ADAMTS17: variants seen among roughly 807,000 people sequenced by gnomAD.
The protein encoded by ADAMTS17 is ADAM metallopeptidase with thrombospondin type 1 motif 17, also known as A disintegrin and metalloproteinase with thrombospondin motifs 17.
Under a neutral mutation model 141.5 loss-of-function variants are expected in ADAMTS17, and 113 were observed. That is an observed-to-expected ratio of 0.80 (90% CI 0.69 to 0.93). The LOEUF is 0.93. Among genes scored for constraint, ADAMTS17 ranks in the 40% least tolerant of loss-of-function variants. The pLI, the probability that ADAMTS17 is intolerant of heterozygous loss-of-function variation, is 0.00. For missense variants in ADAMTS17, 1,659 were observed against 1,517.9 expected (o/e 1.09, Z -1.54); for synonymous variants, 768 against 630.6 (o/e 1.22, Z -3.27).
At position 99,972,867 on chromosome 15, in the gene ADAMTS17, T is replaced by TGTAAC. The variant is rs1414522959; in HGVS notation, c.*1530_*1534dup. The TGTAAC allele has an allele frequency of 2.0e-5, 3 of 152,086 alleles. No individual in the cohort carries two copies. Among genetic ancestry groups the TGTAAC allele is most frequent in the African/African-American group, 7.2e-5 (3 of 41,398 alleles). 9.4% of individuals were successfully genotyped at this position (152,086 alleles called of 1,614,324 possible). The stretch of plus-strand genomic sequence containing the variant: ...TTAAGCTAACTCTACGGTTGTGACA[T>TGTAAC]GTAACAAAACAAAACACAGAAACAC... On this transcript the variant is annotated 3_prime_UTR_variant, in exon 22 of 22. Transcript: ENST00000268070.
chr15:100,230,456 A>G (rs763194514), intron 7 of ADAMTS17, among the ~76,000 whole-genome samples: 1 of 152,210 alleles, frequency 6.6e-6, no homozygotes, highest in Non-Finnish European at 1.5e-5. Flanking sequence ...ACCTCACAGC[A>G]GGGAGGGATC....
At chr15:100,330,408 A>G (rs2046014717) in intron 3 of ADAMTS17, among the ~76,000 whole-genome samples, 2 of 152,192 alleles carry the variant, frequency 1.3e-5, no homozygotes, top group Admixed American at 6.5e-5. Flanking sequence ...GAAAATGTGC[A>G]TGTCTAACAA....
intron 7 of ADAMTS17, among the ~76,000 whole-genome samples, chr15:100,222,613 C>T (rs1409848236): frequency 6.6e-6 from 1 of 152,148 alleles, no homozygotes; most frequent in East Asian, 1.9e-4. Context: ...AAACATCTAC[C>T]ATCCAACATC....
chr15:100,223,493 G>T (rs2042198576), intron 7 of ADAMTS17, among the ~76,000 whole-genome samples: 1 of 152,042 alleles, frequency 6.6e-6, no homozygotes, highest in South Asian at 2.1e-4. Flanking sequence ...CATCTCACGG[G>T]GGCAGAAGCT....
intron 8 of ADAMTS17, among the ~76,000 whole-genome samples, chr15:100,192,951 C>T (rs999084040): frequency 6.6e-6 from 1 of 152,182 alleles, no homozygotes; most frequent in African/African-American, 2.4e-5. Flanking sequence ...CCTTCACGTT[C>T]TGAGCTGCAG....
At chr15:100,001,994 C>CAAAAAAAAAAAAA (rs71151931) in intron 18 of ADAMTS17, among the ~76,000 whole-genome samples, 1 of 58,378 alleles carries the variant, frequency 1.7e-5, no homozygotes, top group Non-Finnish European at 3.1e-5. Context: ...AGGCCAAACC[C>CAAAAAAAAAAAAA]AAAAAAAAAA....
chr15:100,144,726 T>C (rs2038818941), intron 10 of ADAMTS17, among the ~76,000 whole-genome samples: 2 of 151,890 alleles, frequency 1.3e-5, no homozygotes, highest in African/African-American at 4.8e-5. Flanking sequence ...TTGAAATCTA[T>C]CCAAGGACCC....
chr15:99,997,909 G>A lies in ADAMTS17; in HGVS notation c.2592-320C>T, dbSNP rs572738049. ...TGTCGTCATAGGACCTGCTTCTTTC[G>A]ACAGGGTGTGAGTGAAGAGGATGCT... On this transcript the variant is annotated intron_variant, in intron 18 of 21. Coordinates refer to ENST00000268070, the MANE Select transcript of ADAMTS17 (RefSeq NM_139057.4). The surrounding 1 kb of genome is among the most constrained non-coding windows in gnomAD (Gnocchi z 4.7). Among the ~76,000 whole-genome samples the A allele has an allele frequency of 2.0e-5, 3 of 152,254 alleles. No homozygotes were observed. Among genetic ancestry groups the A allele is most frequent in the Non-Finnish European group, 2.9e-5 (2 of 68,016 alleles).
At chr15:100,135,347 G>C (rs2038275081) in intron 10 of ADAMTS17, among the ~76,000 whole-genome samples, 1 of 150,724 alleles carries the variant, frequency 6.6e-6, no homozygotes, top group East Asian at 2.0e-4. Context: ...GCAGTAGCGT[G>C]ATCTCGGCTC....
chr15:100,134,225 G>A (rs2038208724), intron 10 of ADAMTS17, among the ~76,000 whole-genome samples: 1 of 152,176 alleles, frequency 6.6e-6, no homozygotes, highest in Admixed American at 6.5e-5. Context: ...GTCCTGGGGG[G>A]GATGGCCCCG....
intron 15 of ADAMTS17, among the ~76,000 whole-genome samples, chr15:100,089,122 T>C (rs977968277): frequency 4.6e-5 from 7 of 151,690 alleles, no homozygotes; most frequent in South Asian, 2.1e-4. Flanking sequence ...GAATCTACAA[T>C]GAACTCAAAC....
chr15:99,975,041 G>A (rs1203458155), intron 21 of ADAMTS17, among the ~76,000 whole-genome samples: 1 of 152,176 alleles, frequency 6.6e-6, no homozygotes, highest in Non-Finnish European at 1.5e-5. Context: ...TTCCCAAGCA[G>A]GCCGGTGCTT....
intron 6 of ADAMTS17, among the ~76,000 whole-genome samples, chr15:100,260,864 C>G (rs10459747): frequency 0.47 from 71,852 of 151,536 alleles, 17,403 homozygotes; most frequent in East Asian, 0.57. Flanking sequence ...TAATCTAATG[C>G]ATTAAGTTAT....
intron 15 of ADAMTS17, among the ~76,000 whole-genome samples, chr15:100,069,221 C>A (rs1228888844): frequency 1.3e-5 from 2 of 152,164 alleles, no homozygotes; most frequent in African/African-American, 4.8e-5. Flanking sequence ...TGAACAAAGC[C>A]TCCAAGAAAT....
rs1471835192 is a variant in ADAMTS17 at position 99,987,646 on chromosome 15, T to C, written c.2949+5402A>G. 6.6e-5 allele frequency among the ~76,000 whole-genome samples: 10 copies of C among 152,112 alleles called. No individual in the cohort carries two copies. The East Asian group carries it at 7.7e-4, about 12-fold the overall frequency. On this transcript the variant is annotated intron_variant, in intron 20 of 21. Transcript: ENST00000268070. ...AACAGTCCGAATCAGACAAAAACGC[T>C]CGGGAAGCCTCATCCCATGGAATCT...
At chr15:100,167,048 G>A (rs1010601134) in intron 8 of ADAMTS17, among the ~76,000 whole-genome samples, 15 of 152,222 alleles carry the variant, frequency 9.9e-5, no homozygotes, top group Non-Finnish European at 5.9e-5. Flanking sequence ...CACTGGCCAC[G>A]TGTGGCTACT....
At chr15:100,239,530 C>T (rs745745333) in intron 7 of ADAMTS17, among the ~76,000 whole-genome samples, 6 of 152,116 alleles carry the variant, frequency 3.9e-5, no homozygotes, top group South Asian at 4.1e-4. Context: ...TGCCCCTGAG[C>T]GGGGCAGCAG....
At chr15:100,017,395 G>A (rs556758842) in intron 18 of ADAMTS17, among the ~76,000 whole-genome samples, 17 of 152,286 alleles carry the variant, frequency 1.1e-4, no homozygotes, top group African/African-American at 2.2e-4. Context: ...CTTCTTGCCC[G>A]GTTCAAATTA....
chr15:100,133,973 A>G (rs1008778143), intron 10 of ADAMTS17, among the ~76,000 whole-genome samples: 3 of 152,238 alleles, frequency 2.0e-5, no homozygotes, highest in African/African-American at 7.2e-5. Context: ...TTCCACTAAA[A>G]CAGGAATTGG....
Sources: gnomAD v4.1 joint callset for allele counts (sites outside exome capture counted in the v4.1 genomes callset) on GRCh38, gnomAD v4.1.1 for gene constraint, Gnocchi (gnomAD v3.1) non-coding constraint, MANE v1.5 for transcripts, NCBI Gene and HGNC (gene_info 2026-07-23, HGNC 2026-07-21) for gene names.